PTPRM: variants seen among roughly 807,000 people sequenced by gnomAD.
PTPRM encodes receptor-type tyrosine-protein phosphatase mu.
In PTPRM, 47 loss-of-function variants were observed where a neutral mutation model predicts 186.7. That is an observed-to-expected ratio of 0.25 (90% confidence interval 0.20 to 0.32). The LOEUF is 0.32. Ranked by LOEUF, PTPRM falls within the 10% of genes least tolerant of loss-of-function variation. The probability of loss-of-function intolerance (pLI) is 1.00; values close to 1 mark genes in which losing one functional copy is unlikely to be tolerated. For missense variants in PTPRM, 1,494 were observed against 1,865.0 expected, an observed-to-expected ratio of 0.80 and a Z score of 3.66; for synonymous variants, 668 against 674.9, an observed-to-expected ratio of 0.99 and a Z score of 0.16.
intron 1 of PTPRM, among the ~76,000 whole-genome samples, chr18:7,745,333 C>A (rs1361494990): frequency 2.0e-5 from 3 of 152,154 alleles, no homozygotes; most frequent in Non-Finnish European, 4.4e-5. Context: ...CCAGAAGGTC[C>A]AGTGCAGTGA....
intron 14 of PTPRM, among the ~76,000 whole-genome samples, chr18:8,191,289 T>C (rs2093706066): frequency 6.6e-6 from 1 of 152,108 alleles, no homozygotes. Flanking sequence ...AAGGCAGAGA[T>C]TGGCGGAACA....
At chr18:7,704,437 T>C (rs1299833847) in intron 1 of PTPRM, among the ~76,000 whole-genome samples, 1 of 152,210 alleles carries the variant, frequency 6.6e-6, no homozygotes, top group Non-Finnish European at 1.5e-5. Context: ...CCATTTATTC[T>C]AGATTTTCTA....
At chr18:8,294,059 T>C (rs1478711085) in intron 19 of PTPRM, among the ~76,000 whole-genome samples, 1 of 152,118 alleles carries the variant, frequency 6.6e-6, no homozygotes, top group East Asian at 1.9e-4. Context: ...GAGACCAGCC[T>C]GGCCAACAGG....
At chr18:8,276,105 G>T (rs748595567) in intron 19 of PTPRM, among the ~76,000 whole-genome samples, 1 of 151,952 alleles carries the variant, frequency 6.6e-6, no homozygotes, top group Non-Finnish European at 1.5e-5. Context: ...CCTTTAGGTT[G>T]GTTCCACTAG....
chr18:7,976,922 T>G (rs1445584812), intron 7 of PTPRM, among the ~76,000 whole-genome samples: 2 of 150,102 alleles, frequency 1.3e-5, no homozygotes, highest in Non-Finnish European at 2.9e-5. Flanking sequence ...ACTTGCTGTT[T>G]TTTTTTTTTT....
chr18:7,661,361 T>C (rs2038976729), intron 1 of PTPRM, among the ~76,000 whole-genome samples: 1 of 152,248 alleles, frequency 6.6e-6, no homozygotes, highest in South Asian at 2.1e-4. Flanking sequence ...GTCAGCTGCA[T>C]CTGCAGAGCA....
chr18:8,000,310 C>T (rs1269880948), intron 7 of PTPRM, among the ~76,000 whole-genome samples: 1 of 152,096 alleles, frequency 6.6e-6, no homozygotes, highest in Admixed American at 6.6e-5. Flanking sequence ...TTTATTTAGG[C>T]AAAAGTCCAT....
Position 7,571,533 on chromosome 18 carries a change from T to G in PTPRM, c.73+3642T>G, listed in dbSNP as rs1385411347. Among the ~76,000 whole-genome samples, 5 of 152,334 alleles carry G rather than the reference T, an allele frequency of 3.3e-5. No individual in the cohort carries two copies. In the Middle Eastern group the frequency reaches 0.014, roughly 415 times the overall value. On this transcript the variant is annotated intron_variant, in intron 1 of 32. Coordinates refer to ENST00000580170, the MANE Select transcript of PTPRM (RefSeq NM_001105244.2). The stretch of plus-strand genomic sequence containing the variant: ...GTTTAGTTCTACCTTATAATGGTTT[T>G]GATGTGTTAAGTTCTGCTAAGCAAG...
At chr18:7,571,002 G>A (rs964929797) in intron 1 of PTPRM, among the ~76,000 whole-genome samples, 1 of 150,066 alleles carries the variant, frequency 6.7e-6, no homozygotes, top group Non-Finnish European at 1.5e-5. Context: ...ACAGTGGCAC[G>A]ATCTTGGCTC....
chr18:7,626,632 C>T (rs2038068985), intron 1 of PTPRM, among the ~76,000 whole-genome samples: 1 of 152,080 alleles, frequency 6.6e-6, no homozygotes, highest in African/African-American at 2.4e-5. Flanking sequence ...ATTTCAGTGC[C>T]CCTTGCTCAG....
intron 1 of PTPRM, among the ~76,000 whole-genome samples, chr18:7,752,863 T>C (rs1023337919): frequency 2.0e-5 from 3 of 152,240 alleles, no homozygotes; most frequent in Admixed American, 2.0e-4. Context: ...TGAATGTGTT[T>C]TCTAAGTTTA....
chr18:8,319,944 G>A lies in PTPRM; in HGVS notation c.2956+730G>A, dbSNP rs1466768960. ...CAGTGGTTTTTGGGTGATTTTCCCA[G>A]CGTATGAAGTGGGTCATCTGCAGAT... On this transcript the variant is annotated intron_variant, in intron 22 of 32. Transcript: ENST00000580170. Among the ~76,000 whole-genome samples the A allele has an allele frequency of 3.3e-5, 5 of 152,256 alleles. No individual in the cohort carries two copies. The East Asian group carries it at 9.7e-4, about 29-fold the overall frequency.
chr18:8,329,415 T>C (rs1327025738), intron 22 of PTPRM, among the ~76,000 whole-genome samples: 1 of 152,216 alleles, frequency 6.6e-6, no homozygotes, highest in Admixed American at 6.5e-5. Flanking sequence ...AGAAACGTCA[T>C]ATGTTAAGAC....
At chr18:7,950,051 A>C (rs1485976901) in intron 6 of PTPRM, among the ~76,000 whole-genome samples, 3 of 152,154 alleles carry the variant, frequency 2.0e-5, no homozygotes, top group Non-Finnish European at 2.9e-5. Context: ...AACCTGTGGC[A>C]AGCCATTGCT....
intron 31 of PTPRM, among the ~76,000 whole-genome samples, chr18:8,392,077 G>C (rs1051596952): frequency 6.6e-5 from 10 of 152,128 alleles, no homozygotes; most frequent in Non-Finnish European, 1.2e-4. Flanking sequence ...AGAAAAAAGA[G>C]AGAGCAAAGA....
At chr18:8,240,561 A>AGAAG (rs2094409069) in intron 14 of PTPRM, among the ~76,000 whole-genome samples, 1 of 126,596 alleles carries the variant, frequency 7.9e-6, no homozygotes, top group African/African-American at 3.1e-5. Context: ...AAAGAAGGAA[A>AGAAG]GAAAGAAAGA....
chr18:7,584,410 G>T (rs1288127361), intron 1 of PTPRM, among the ~76,000 whole-genome samples: 1 of 152,162 alleles, frequency 6.6e-6, no homozygotes, highest in Non-Finnish European at 1.5e-5. Context: ...GGAGATCTGA[G>T]CTCTGATGTC....
intron 14 of PTPRM, among the ~76,000 whole-genome samples, chr18:8,216,376 A>G (rs921674029): frequency 6.6e-6 from 1 of 152,208 alleles, no homozygotes; most frequent in African/African-American, 2.4e-5. Flanking sequence ...ATTAATCTCA[A>G]TAACAAATAA....
rs540969766 is a variant in PTPRM at position 7,708,639 on chromosome 18, A to G, written c.74-65510A>G. ...GCTGTTCTTGACCTCCAGGGAGAGG[A>G]AAAAAAACATGCTTCTTAGTACAGA... On this transcript the variant is annotated intron_variant, in intron 1 of 32. Coordinates refer to ENST00000580170, the MANE Select transcript of PTPRM (RefSeq NM_001105244.2). 1.2e-4 allele frequency among the ~76,000 whole-genome samples: 19 copies of G among 152,122 alleles called. No individual in the cohort carries two copies. The East Asian group carries it at 1.7e-3, about 14-fold the overall frequency.
Sources: allele counts gnomAD v4.1 joint callset (sites outside exome capture counted in the v4.1 genomes callset), GRCh38; gene constraint gnomAD v4.1.1; transcripts MANE v1.5; gene names NCBI Gene and HGNC (gene_info 2026-07-23, HGNC 2026-07-21).